The following CRYBG3 variants were observed in gnomAD, a reference collection of about 807,000 sequenced individuals.
CRYBG3 encodes the protein very large A-kinase anchor protein.
In CRYBG3, 127 loss-of-function variants were observed where a neutral mutation model predicts 244.2. The ratio of observed to expected loss-of-function variants is 0.52; its 90% confidence interval spans 0.45 to 0.60. The LOEUF (loss-of-function observed/expected upper bound fraction) is 0.60. Among genes scored for constraint, CRYBG3 ranks in the 20% least tolerant of loss-of-function variants. CRYBG3 has a pLI of 0.00. For synonymous variants in CRYBG3, 1,132 were observed against 1,195.8 expected (o/e 0.95, Z 1.10); for missense variants, 3,325 against 3,442.5 (o/e 0.97, Z 0.85).
intron 19 of CRYBG3, 142 bp from the exon 20 acceptor site, chr3:97,941,006 C>A: frequency 1.6e-6 from 1 of 615,162 alleles, no homozygotes; most frequent in Non-Finnish European, 2.8e-6. Flanking sequence ...TTAATCTATG[C>A]AGATTTACTA....
At chr3:97,896,517 T>A (rs2108236942) in intron 12 of CRYBG3, among the ~76,000 whole-genome samples, 1 of 152,314 alleles carries the variant, frequency 6.6e-6, no homozygotes, top group Non-Finnish European at 1.5e-5. Context: ...AGATGACAGC[T>A]GGCTGAAATT....
At chr3:97,888,715 A>G (rs1440201065) in intron 9 of CRYBG3, among the ~76,000 whole-genome samples, 2 of 152,234 alleles carry the variant, frequency 1.3e-5, no homozygotes, top group Non-Finnish European at 2.9e-5. Context: ...TTAAAAACAT[A>G]GCCACTAGGA....
In CRYBG3 at chr3:97,823,224, C is replaced by T. The variant is rs560806511; in HGVS notation, c.149+869C>T. The stretch of plus-strand genomic sequence containing the variant: ...GAGGGGTTAAGTAAAACGCAGCTCG[C>T]TTTCTTAAACTTATGAGAGGCTTAC... On this transcript the variant is annotated intron_variant, in intron 1 of 21. Coordinates refer to ENST00000389622, the MANE Select transcript of CRYBG3 (RefSeq NM_153605.4). Among the ~76,000 whole-genome samples, 7 of 152,250 alleles carry T rather than the reference C, an allele frequency of 4.6e-5. No individual in the cohort carries two copies. In the South Asian group the frequency reaches 1.5e-3, roughly 32 times the overall value.
chr3:97,912,553 A>G (rs1180788653), intron 16 of CRYBG3, among the ~76,000 whole-genome samples: 2 of 152,300 alleles, frequency 1.3e-5, no homozygotes, highest in East Asian at 3.9e-4. Context: ...GAATGTTTAT[A>G]TTGTATATTT....
At chr3:97,824,080 T>G (rs762403610) in intron 1 of CRYBG3, among the ~76,000 whole-genome samples, 10 of 152,224 alleles carry the variant, frequency 6.6e-5, no homozygotes, top group Non-Finnish European at 1.3e-4. Context: ...GTTAGGGGGA[T>G]AGCAGATGAC....
chr3:97,850,132 TACC>T (rs2038963351), intron 2 of CRYBG3, among the ~76,000 whole-genome samples: 1 of 152,182 alleles, frequency 6.6e-6, no homozygotes, highest in African/African-American at 2.4e-5. Context: ...TTTCTGGAAG[TACC>T]ACCACACTAC....
chr3:97,941,747 T>G (rs1190081403), intron 20 of CRYBG3: 3 of 153,302 alleles, frequency 2.0e-5, no homozygotes, highest in Non-Finnish European at 4.3e-5. Flanking sequence ...GCTTAGAAAA[T>G]AAAATTTAGG....
At chr3:97,831,556 CT>C (rs1161806435) in intron 1 of CRYBG3, among the ~76,000 whole-genome samples, 4 of 151,910 alleles carry the variant, frequency 2.6e-5, no homozygotes, top group Non-Finnish European at 5.9e-5. Flanking sequence ...TTTATCTATT[CT>C]TTTTTGTAAA....
intron 2 of CRYBG3, among the ~76,000 whole-genome samples, chr3:97,860,743 T>C (rs199994365): frequency 6.6e-6 from 1 of 152,172 alleles, no homozygotes; most frequent in East Asian, 1.9e-4. Context: ...CTATAGAGAC[T>C]AACCTGGTCT....
intron 19 of CRYBG3, among the ~76,000 whole-genome samples, chr3:97,937,368 C>T (rs75058650): frequency 0.035 from 5,278 of 152,082 alleles, 292 homozygotes; most frequent in African/African-American, 0.12. Context: ...ACAATCTACC[C>T]GCTACCCCAC....
intron 7 of CRYBG3, among the ~76,000 whole-genome samples, chr3:97,883,810 T>C (rs975617638): frequency 2.0e-5 from 3 of 152,232 alleles, no homozygotes; most frequent in African/African-American, 7.2e-5. Context: ...TCCAACGTTG[T>C]CAGAATTCTT....
intron 19 of CRYBG3, among the ~76,000 whole-genome samples, chr3:97,938,958 G>A (rs951839718): frequency 6.6e-6 from 1 of 151,890 alleles, no homozygotes; most frequent in Admixed American, 6.6e-5. Context: ...TAAGCCCACT[G>A]AAAAGCCATC....
intron 18 of CRYBG3, among the ~76,000 whole-genome samples, chr3:97,934,055 T>G (rs2040132011): frequency 6.6e-6 from 1 of 152,102 alleles, no homozygotes; most frequent in African/African-American, 2.4e-5. Context: ...AATTTCAATA[T>G]CCCAGCAACT....
At chr3:97,841,285 T>C (rs2038812529) in intron 1 of CRYBG3, among the ~76,000 whole-genome samples, 1 of 149,946 alleles carries the variant, frequency 6.7e-6, no homozygotes. Context: ...TACATATAGG[T>C]GCGTACACCT....
At chr3:97,882,970 T>C (rs2039467850) in intron 7 of CRYBG3, among the ~76,000 whole-genome samples, 1 of 152,200 alleles carries the variant, frequency 6.6e-6, no homozygotes, top group South Asian at 2.1e-4. Flanking sequence ...TTCAGGTTGC[T>C]TAAAGACTCG....
At chr3:97,908,094 G>A (rs916411588) in intron 15 of CRYBG3, among the ~76,000 whole-genome samples, 4 of 152,200 alleles carry the variant, frequency 2.6e-5, no homozygotes, top group African/African-American at 7.2e-5. Context: ...TAGTTTGATT[G>A]CACTGTGGTC....
At chr3:97,925,176 A>G (rs1428731347) in intron 17 of CRYBG3, among the ~76,000 whole-genome samples, 1 of 152,052 alleles carries the variant, frequency 6.6e-6, no homozygotes, top group African/African-American at 2.4e-5. Context: ...ATTCAGAAAA[A>G]TCCACTTCAA....
chr3:97,893,951 T>A (rs900337430), intron 11 of CRYBG3, among the ~76,000 whole-genome samples: 6 of 152,182 alleles, frequency 3.9e-5, no homozygotes, highest in African/African-American at 7.2e-5. Flanking sequence ...AGAGATTATA[T>A]ATGCTGGATA....
In CRYBG3 at chr3:97,883,200, G is replaced by A. The variant is rs374483183; in HGVS notation, c.7152+1981G>A. Reference sequence around the variant, plus strand: ...TACAGAGGTGAGCTTTGGTGGCCTAGTATACTGCAAGGAGATTAAGATGGC... The same window carrying A: ...TACAGAGGTGAGCTTTGGTGGCCTAATATACTGCAAGGAGATTAAGATGGC... On this transcript the variant is annotated intron_variant, in intron 7 of 21. Coordinates refer to ENST00000389622, the MANE Select transcript of CRYBG3 (RefSeq NM_153605.4). 1.1e-3 allele frequency among the ~76,000 whole-genome samples: 169 copies of A among 152,278 alleles called. 1 individual carries two copies. Among genetic ancestry groups the A allele is most frequent in the African/African-American group, 3.9e-3 (161 of 41,568 alleles).
Sources: allele counts gnomAD v4.1 joint callset (sites outside exome capture counted in the v4.1 genomes callset), GRCh38; gene constraint gnomAD v4.1.1; transcripts MANE v1.5; gene names NCBI Gene and HGNC (gene_info 2026-07-23, HGNC 2026-07-21).